Variants in PFKFB3 observed in about 807,000 individuals in gnomAD.
The protein encoded by PFKFB3 is 6-phosphofructo-2-kinase/fructose-2,6-bisphosphatase 3.
Under a neutral mutation model 68.0 loss-of-function variants are expected in PFKFB3, and 33 were observed. The observed-to-expected ratio is 0.49, with a 90% CI of 0.37 to 0.65. The LOEUF (loss-of-function observed/expected upper bound fraction) is 0.65, where lower values mean the gene tolerates loss of function less well. Ranked by LOEUF, PFKFB3 falls within the 30% of genes least tolerant of loss-of-function variation. The pLI is 0.00. For missense variants in PFKFB3, 586 were observed against 712.2 expected (o/e 0.82, Z 2.02); for synonymous variants, 315 against 288.2 (o/e 1.09, Z -0.94).
exon 15 of PFKFB3, chr10:6,254,599 G>A: frequency 2.8e-6 from 1 of 358,838 alleles, no homozygotes; most frequent in East Asian, 4.1e-5. Flanking sequence ...CAACCATTCT[G>A]TTTTTCACTT....
intron 13 of PFKFB3, chr10:6,224,518 T>G: frequency 9.8e-6 from 5 of 509,902 alleles, no homozygotes; most frequent in Non-Finnish European, 1.5e-5. Context: ...TCTCAGTCTG[T>G]TCCCCAGGCT....
chr10:6,188,276 G>C (rs916027789), intron 1 of PFKFB3, among the ~76,000 whole-genome samples: 1 of 151,630 alleles, frequency 6.6e-6, no homozygotes, highest in African/African-American at 2.4e-5. Flanking sequence ...TATCTAATAT[G>C]CAAACTTCAA....
At position 6,220,638 on chromosome 10, in the gene PFKFB3, T is replaced by C. The variant is rs1332399077; in HGVS notation, c.624-20T>C. The C allele has an allele frequency of 6.2e-7, 1 of 1,611,716 alleles. No homozygotes were observed. Among genetic ancestry groups the C allele is most frequent in the Non-Finnish European group, 8.5e-7 (1 of 1,178,860 alleles). ...TGGGTGGTGGCCTGAGCTGTGGTTC[T>C]CGGTGGGGTCTCTCTGCAGGGACTT... On this transcript the variant is annotated intron_variant, in intron 7 of 14. Transcript: ENST00000379775. The surrounding 1 kb of genome is among the most constrained non-coding windows in gnomAD (Gnocchi z 4.1).
In PFKFB3 at chr10:6,203,101, C is replaced by T; in HGVS notation, c.-160C>T. ...GCCCCGCACAGGCGAGGGTCCGGAA[C>T]TTAGCCCAAAGCACGTTTCCCCTGG... On this transcript the variant is annotated 5_prime_UTR_variant, in exon 1 of 15. Coordinates refer to ENST00000379775, the MANE Select transcript of PFKFB3 (RefSeq NM_004566.4). The T allele has an allele frequency of 1.4e-6, 2 of 1,462,780 alleles. No homozygotes were observed. Among genetic ancestry groups the T allele is most frequent in the Non-Finnish European group, 1.8e-6 (2 of 1,111,636 alleles). 90.6% of individuals were successfully genotyped at this position (1,462,780 alleles called of 1,614,324 possible). A position where few individuals can be genotyped will look rare whatever the true frequency, so the allele number is the denominator to read the frequency against.
chr10:6,150,216 G>GGTCTATACCTCATGCTTATATTGGACC (rs1231479497), intron 1 of PFKFB3, among the ~76,000 whole-genome samples: 3 of 152,250 alleles, frequency 2.0e-5, no homozygotes, highest in African/African-American at 4.8e-5. Context: ...TTTGAGTTAC[G>GGTCTATACCTCATGCTTATATTGGACC]GTCTATACCT....
the PFKFB3 span, among the ~76,000 whole-genome samples, chr10:6,305,360 TAG>T: frequency 8.3e-6 from 1 of 120,362 alleles, no homozygotes. Flanking sequence ...TTTTTTTTTT[TAG>T]TAGAGATGAC....
In PFKFB3 at chr10:6,191,747, C is replaced by T. The variant is rs540591003; in HGVS notation, c.17-21876C>T. Among the ~76,000 whole-genome samples, 12 of 152,314 alleles carry T rather than the reference C, an allele frequency of 7.9e-5. No homozygotes were observed. In the East Asian group the frequency reaches 1.9e-3, roughly 24 times the overall value. The stretch of plus-strand genomic sequence containing the variant: ...TGTCCACTGTACAGAGAAGGCATCT[C>T]TTTCTACCTTCAAATCAGCATCTGG... On this transcript the variant is annotated intron_variant, in intron 1 of 14. Transcript: ENST00000379789.
Position 6,217,336 on chromosome 10 carries a change from G to C in PFKFB3, c.498+145G>C, listed in dbSNP as rs986749096. 5 of 757,926 alleles carry C rather than the reference G, an allele frequency of 6.6e-6. No individual in the cohort carries two copies. In the African/African-American group the frequency reaches 8.7e-5, roughly 13 times the overall value. 47.0% of individuals were successfully genotyped at this position (757,926 alleles called of 1,614,324 possible). A position where few individuals can be genotyped will look rare whatever the true frequency, so the allele number is the denominator to read the frequency against. Reference sequence around the variant, plus strand: ...GCCCCCAGCTGGCTGTTGATTGGGAGGTCAGACCTACAGAGCGGTTTTTAA... The same window carrying C: ...GCCCCCAGCTGGCTGTTGATTGGGACGTCAGACCTACAGAGCGGTTTTTAA... On this transcript the variant is annotated intron_variant, in intron 6 of 14. Transcript: ENST00000379775.
chr10:6,256,095 G>A (rs1429659056), downstream of PFKFB3, among the ~76,000 whole-genome samples: 3 of 152,276 alleles, frequency 2.0e-5, no homozygotes, highest in Non-Finnish European at 4.4e-5. Flanking sequence ...TTCCGCCCCC[G>A]GCCCCATCAC....
intron 1 of PFKFB3, among the ~76,000 whole-genome samples, chr10:6,195,644 T>C (rs2131834001): frequency 6.6e-6 from 1 of 152,278 alleles, no homozygotes; most frequent in East Asian, 1.9e-4. Flanking sequence ...ATAAACGTGG[T>C]TCACTTCCAG....
chr10:6,182,866 G>A (rs543989292), intron 1 of PFKFB3, among the ~76,000 whole-genome samples: 5 of 152,344 alleles, frequency 3.3e-5, no homozygotes, highest in Admixed American at 2.6e-4. Flanking sequence ...GCCAGACAGA[G>A]CAGTGCCCTT....
chr10:6,221,631 G>A lies in PFKFB3; in HGVS notation c.979-10G>A, dbSNP rs777587700. On this transcript the variant is annotated splice_polypyrimidine_tract_variant and intron_variant, in intron 9 of 14. Transcript: ENST00000379775. ...GTTTGTTCCCCTGAGTGACCACTGG[G>A]TCCCCGCAGGGCGTCTGTGAGGAGC... 1 of 1,609,878 alleles carries A rather than the reference G, an allele frequency of 6.2e-7. No homozygotes were observed. Among genetic ancestry groups the A allele is most frequent in the East Asian group, 2.2e-5 (1 of 44,748 alleles).
intron 1 of PFKFB3, among the ~76,000 whole-genome samples, chr10:6,172,515 C>T (rs187860097): frequency 6.6e-6 from 1 of 152,318 alleles, no homozygotes; most frequent in African/African-American, 2.4e-5. Flanking sequence ...TTCTTTTTAC[C>T]ATGTTCCAAA....
chr10:6,188,459 T>A (rs1353567980), intron 1 of PFKFB3, among the ~76,000 whole-genome samples: 2 of 151,832 alleles, frequency 1.3e-5, no homozygotes, highest in African/African-American at 2.4e-5. Context: ...GATTTTTTTT[T>A]AAACATTTTT....
chr10:6,207,265 G>A (rs549894076), intron 1 of PFKFB3, among the ~76,000 whole-genome samples: 12 of 152,304 alleles, frequency 7.9e-5, no homozygotes, highest in African/African-American at 9.6e-5. Context: ...GCGAAACCCC[G>A]TCTCCACCAA....
chr10:6,146,201 G>T, intron 1 of PFKFB3: 9 of 1,415,976 alleles, frequency 6.4e-6, no homozygotes, highest in Non-Finnish European at 8.3e-6. Context: ...CTCCCTTCCC[G>T]CACCCACCCA....
At chr10:6,260,740 G>A in the PFKFB3 span, among the ~76,000 whole-genome samples, 3 of 152,094 alleles carry the variant, frequency 2.0e-5, no homozygotes, top group Non-Finnish European at 2.9e-5. Flanking sequence ...TCTCATTTCT[G>A]TATAGTATTT....
intron 1 of PFKFB3, among the ~76,000 whole-genome samples, chr10:6,156,008 A>G (rs901617439): frequency 6.6e-6 from 1 of 151,190 alleles, no homozygotes; most frequent in Non-Finnish European, 1.5e-5. Flanking sequence ...TTCAACCCTC[A>G]CCCCCGCTGC....
At chr10:6,288,450 G>C in the PFKFB3 span, among the ~76,000 whole-genome samples, 4 of 148,536 alleles carry the variant, frequency 2.7e-5, no homozygotes, top group Non-Finnish European at 5.9e-5. Context: ...GAGAACACGC[G>C]GTGTTTGGTT....
Sources: gnomAD v4.1 joint callset for allele counts (sites outside exome capture counted in the v4.1 genomes callset) on GRCh38, gnomAD v4.1.1 for gene constraint, Gnocchi (gnomAD v3.1) non-coding constraint, MANE v1.5 for transcripts, NCBI Gene and HGNC (gene_info 2026-07-23, HGNC 2026-07-21) for gene names.